CLASP2: variants seen among roughly 807,000 people sequenced by gnomAD.
The protein encoded by CLASP2 is CLIP-associating protein 2.
In CLASP2, 47 loss-of-function variants were observed where a neutral mutation model predicts 194.4. The ratio of observed to expected loss-of-function variants is 0.24; its 90% CI spans 0.19 to 0.31. CLASP2 has a LOEUF of 0.31. CLASP2 is among the 10% of genes least tolerant of loss of function. The pLI, the probability that CLASP2 is intolerant of heterozygous loss-of-function variation, is 1.00. For synonymous variants in CLASP2, 619 were observed against 633.5 expected, an observed-to-expected ratio of 0.98 and a Z score of 0.34; for missense variants, 1,445 against 1,823.6, an observed-to-expected ratio of 0.79 and a Z score of 3.78.
At chr3:33,645,929 T>TATACAC (rs893744534) in intron 7 of CLASP2, among the ~76,000 whole-genome samples, 3 of 135,118 alleles carry the variant, frequency 2.2e-5, no homozygotes, top group Admixed American at 1.5e-4. Flanking sequence ...TCTCCCAGCA[T>TATACAC]ACACACACAC....
intron 24 of CLASP2, 28 bp downstream of exon 24, chr3:33,576,141 A>G: frequency 1.3e-6 from 2 of 1,565,862 alleles, no homozygotes; most frequent in Non-Finnish European, 1.8e-6. Context: ...TGGAACATTT[A>G]TAATGATAAG....
At chr3:33,514,228 TC>T (rs2050671479) in intron 36 of CLASP2, among the ~76,000 whole-genome samples, 1 of 152,138 alleles carries the variant, frequency 6.6e-6, no homozygotes, top group African/African-American at 2.4e-5. Flanking sequence ...CCTCAAGTGA[TC>T]CACCTGCTTG....
chr3:33,560,918 A>T lies in CLASP2; in HGVS notation c.2820T>A (p.Asp940Glu). 1 of 1,613,932 alleles carries T rather than the reference A, an allele frequency of 6.2e-7. No homozygotes were observed. Among genetic ancestry groups the T allele is most frequent in the Non-Finnish European group, 8.5e-7 (1 of 1,179,808 alleles). ...GTACAAACAACCAATCTTGAAGATC[A>T]TCTTTGTGGACTTGTATGAAATCCA... ...TLVDFIQVHK[D>E]DLQDWLFVLL... is the part of the protein sequence containing the mutation. The change falls in exon 28 of 39, where the codon GAT (aspartate) becomes GAA (glutamate). Residue 940 changes from aspartate (D) to glutamate (E), a missense_variant. Asp to Glu is a conservative substitution (Grantham distance 45). Transcript: ENST00000682230.
At chr3:33,638,776 G>T (rs1157914062) in intron 8 of CLASP2, among the ~76,000 whole-genome samples, 1 of 152,158 alleles carries the variant, frequency 6.6e-6, no homozygotes, top group Non-Finnish European at 1.5e-5. Context: ...TGCAGTTATT[G>T]TAACTTCTAC....
Position 33,671,760 on chromosome 3 carries a change from G to C in CLASP2, c.645-8245C>G, listed in dbSNP as rs2087268974. Among the ~76,000 whole-genome samples, 4 of 152,212 alleles carry C rather than the reference G, an allele frequency of 2.6e-5. No individual in the cohort carries two copies. In the South Asian group the frequency reaches 8.3e-4, roughly 32 times the overall value. On this transcript the variant is annotated intron_variant, in intron 6 of 38. Transcript: ENST00000682230. ...ACCTGAATACTGCGCTTTTCCGACAGGCTTAAAAAATGGCGCACCAGGAGA... is the reference window on the plus strand; with the variant it reads ...ACCTGAATACTGCGCTTTTCCGACACGCTTAAAAAATGGCGCACCAGGAGA...
At position 33,568,553 on chromosome 3, in the gene CLASP2, C is replaced by CAAAAAAAAAAAAAAAAAAAA. The variant is rs568821764; in HGVS notation, c.2764-1839_2764-1820dup. On this transcript the variant is annotated intron_variant, in intron 26 of 38. Coordinates refer to ENST00000682230, the MANE Select transcript of CLASP2 (RefSeq NM_001365631.1). ...TGGGTGACAGAAAGAGATCTTGTCT[C>CAAAAAAAAAAAAAAAAAAAA]AAAAAAAAAAAAAAAAAAAAAATTA... is the stretch of plus-strand genomic sequence containing the variant. Among the ~76,000 whole-genome samples, 207 of 56,774 alleles carry CAAAAAAAAAAAAAAAAAAAA rather than the reference C, an allele frequency of 3.6e-3. 14 individuals are homozygous for CAAAAAAAAAAAAAAAAAAAA. Among genetic ancestry groups the CAAAAAAAAAAAAAAAAAAAA allele is most frequent in the African/African-American group, 7.4e-3 (97 of 13,106 alleles). 37.2% of individuals were successfully genotyped at this position (56,774 alleles called of 152,430 possible). A position where few individuals can be genotyped will look rare whatever the true frequency, so the allele number is the denominator to read the frequency against.
intron 34 of CLASP2, among the ~76,000 whole-genome samples, chr3:33,522,336 C>CTTTTAAG (rs2053358749): frequency 6.6e-6 from 1 of 152,152 alleles, no homozygotes; most frequent in African/African-American, 2.4e-5. Flanking sequence ...TCTGAGAAGA[C>CTTTTAAG]TTTATACCTC....
chr3:33,636,534 A>C (rs904575950), intron 8 of CLASP2, among the ~76,000 whole-genome samples: 16 of 152,230 alleles, frequency 1.1e-4, no homozygotes, highest in Non-Finnish European at 1.9e-4. Context: ...GATGAATGAG[A>C]ATATAAAAAA....
intron 30 of CLASP2, among the ~76,000 whole-genome samples, chr3:33,545,460 C>T (rs114756480): frequency 6.6e-5 from 10 of 152,142 alleles, no homozygotes; most frequent in African/African-American, 2.4e-4. Flanking sequence ...TTTTCTGAAC[C>T]CACTCTATGA....
At chr3:33,562,108 G>A (rs1180539825) in intron 27 of CLASP2, among the ~76,000 whole-genome samples, 2 of 151,992 alleles carry the variant, frequency 1.3e-5, no homozygotes, top group Non-Finnish European at 2.9e-5. Flanking sequence ...CATTTAAACT[G>A]AGTTAAAAAT....
At chr3:33,516,947 G>A in intron 35 of CLASP2, 34 bp downstream of exon 35, 1 of 1,553,454 alleles carries the variant, frequency 6.4e-7, no homozygotes, top group Non-Finnish European at 8.8e-7. Context: ...GAGACAGGAA[G>A]GAAAGGCTAC....
chr3:33,702,939 G>T (rs888684564), intron 1 of CLASP2, among the ~76,000 whole-genome samples: 1 of 152,122 alleles, frequency 6.6e-6, no homozygotes, highest in African/African-American at 2.4e-5. Flanking sequence ...TCTAGACAGA[G>T]ACCTTATGCC....
At chr3:33,704,679 G>T (rs1430960285) in intron 1 of CLASP2, among the ~76,000 whole-genome samples, 1 of 152,070 alleles carries the variant, frequency 6.6e-6, no homozygotes, top group African/African-American at 2.4e-5. Flanking sequence ...CTTGAACCTG[G>T]GAGGTGGAGG....
At chr3:33,654,623 G>A (rs1223313018) in intron 7 of CLASP2, among the ~76,000 whole-genome samples, 2 of 151,878 alleles carry the variant, frequency 1.3e-5, no homozygotes, top group African/African-American at 4.8e-5. Flanking sequence ...CAAGCTTTCA[G>A]AAGTAAAAGA....
intron 7 of CLASP2, among the ~76,000 whole-genome samples, chr3:33,661,450 T>C (rs1471713253): frequency 6.6e-6 from 1 of 152,298 alleles, no homozygotes; most frequent in South Asian, 2.1e-4. Context: ...GAGAGGATAT[T>C]AGCAGTGGAG....
chr3:33,626,874 C>G (rs2078149396), intron 10 of CLASP2, 114 bp downstream of exon 10: 4 of 618,076 alleles, frequency 6.5e-6, no homozygotes, highest in Non-Finnish European at 1.1e-5. Flanking sequence ...TGTTACCTAT[C>G]AGACTCTCTA....
At chr3:33,581,195 T>C (rs9311019) in intron 23 of CLASP2, among the ~76,000 whole-genome samples, 4,401 of 152,254 alleles carry the variant, frequency 0.029, 210 homozygotes, top group African/African-American at 0.099. Flanking sequence ...TAATACTGAA[T>C]GTTTAAAAAA....
chr3:33,606,299 T>TA (rs1280765204), intron 16 of CLASP2, among the ~76,000 whole-genome samples: 1 of 152,150 alleles, frequency 6.6e-6, no homozygotes, highest in Non-Finnish European at 1.5e-5. Context: ...CTATTTATTG[T>TA]AAGTACTGTT....
intron 34 of CLASP2, among the ~76,000 whole-genome samples, chr3:33,519,252 C>A (rs1342232748): frequency 6.6e-6 from 1 of 152,104 alleles, no homozygotes; most frequent in Non-Finnish European, 1.5e-5. Flanking sequence ...ACTGCACTAT[C>A]CTCACTAGAG....
Sources: gnomAD v4.1 joint callset for allele counts (sites outside exome capture counted in the v4.1 genomes callset) on GRCh38, gnomAD v4.1.1 for gene constraint, MANE v1.5 for transcripts, NCBI Gene and HGNC (gene_info 2026-07-23, HGNC 2026-07-21) for gene names.